Variants in DPP10 observed in about 807,000 individuals in gnomAD.
DPP10 encodes dipeptidyl peptidase like 10.
In DPP10, 33 loss-of-function variants were observed where a neutral mutation model predicts 120.9. The ratio of observed to expected loss-of-function variants is 0.27; its 90% confidence interval spans 0.21 to 0.37. The LOEUF is 0.37. Ranked by LOEUF, DPP10 falls within the 10% of genes least tolerant of loss-of-function variation. The pLI is 1.00. For missense variants in DPP10, 816 were observed against 942.8 expected, an observed-to-expected ratio of 0.87 and a Z score of 1.76; for synonymous variants, 337 against 326.1, an observed-to-expected ratio of 1.03 and a Z score of -0.36.
chr2:115,137,166 C>T (rs993383305), intron 1 of DPP10, among the ~76,000 whole-genome samples: 1 of 152,158 alleles, frequency 6.6e-6, no homozygotes, highest in Non-Finnish European at 1.5e-5. Flanking sequence ...GCATATCCAG[C>T]ATCACCTTTG....
intron 12 of DPP10, among the ~76,000 whole-genome samples, chr2:115,765,828 G>A (rs931779508): frequency 6.6e-6 from 1 of 152,082 alleles, no homozygotes; most frequent in African/African-American, 2.4e-5. Context: ...TATATGCTCA[G>A]TTATACAATT....
At chr2:115,140,892 G>T (rs181015886) in intron 1 of DPP10, among the ~76,000 whole-genome samples, 2 of 148,456 alleles carry the variant, frequency 1.3e-5, no homozygotes, top group African/African-American at 5.0e-5. Flanking sequence ...TTAGCTATTC[G>T]TGGACAGATC....
intron 1 of DPP10, among the ~76,000 whole-genome samples, chr2:114,491,731 G>T (rs1460651593): frequency 1.3e-5 from 2 of 152,160 alleles, no homozygotes; most frequent in African/African-American, 4.8e-5. Flanking sequence ...ATGAATACAT[G>T]TCAGGTAAGT....
At chr2:115,383,265 C>G (rs564672057) in intron 3 of DPP10, among the ~76,000 whole-genome samples, 5 of 152,236 alleles carry the variant, frequency 3.3e-5, no homozygotes, top group South Asian at 2.1e-4. Flanking sequence ...CGATGCTGTT[C>G]TCATGATAGT....
At chr2:115,835,684 A>C (rs986002501) in intron 21 of DPP10, among the ~76,000 whole-genome samples, 1 of 152,206 alleles carries the variant, frequency 6.6e-6, no homozygotes, top group Non-Finnish European at 1.5e-5. Flanking sequence ...TAAGAAATTA[A>C]AACAATCTAA....
chr2:115,441,438 C>T (rs2072037052), intron 3 of DPP10, among the ~76,000 whole-genome samples: 1 of 152,126 alleles, frequency 6.6e-6, no homozygotes, highest in Non-Finnish European at 1.5e-5. Flanking sequence ...TTTTATGTGA[C>T]CTAGAATCAT....
chr2:115,380,029 T>C (rs2066177300), intron 3 of DPP10, among the ~76,000 whole-genome samples: 1 of 152,250 alleles, frequency 6.6e-6, no homozygotes, highest in Admixed American at 6.5e-5. Context: ...ATATATTCTG[T>C]TCATTTGGGG....
chr2:115,615,165 T>G (rs951844052), intron 5 of DPP10, among the ~76,000 whole-genome samples: 2 of 152,060 alleles, frequency 1.3e-5, no homozygotes, highest in Non-Finnish European at 2.9e-5. Flanking sequence ...AAAAAAAGCT[T>G]GATTAGCTGA....
chr2:115,544,892 A>G (rs529515144), intron 5 of DPP10, among the ~76,000 whole-genome samples: 2 of 152,202 alleles, frequency 1.3e-5, no homozygotes, highest in Non-Finnish European at 2.9e-5. Context: ...TCTGTTTGTT[A>G]AATACAGAAA....
chr2:114,710,844 A>G (rs1360996228), intron 1 of DPP10, among the ~76,000 whole-genome samples: 1 of 152,248 alleles, frequency 6.6e-6, no homozygotes, highest in Non-Finnish European at 1.5e-5. Context: ...AGACAAGGGA[A>G]TAACATGGAT....
At chr2:115,281,537 C>G (rs999250469) in intron 1 of DPP10, among the ~76,000 whole-genome samples, 1 of 152,162 alleles carries the variant, frequency 6.6e-6, no homozygotes, top group South Asian at 2.1e-4. Context: ...ATCGCATGAG[C>G]TCACCAGAAT....
rs768155060 is a variant in DPP10, at chr2:115,836,764, C to G, written c.2182+18C>G. On this transcript the variant is annotated intron_variant, in intron 24 of 25. Coordinates refer to ENST00000410059, the MANE Select transcript of DPP10 (RefSeq NM_020868.6). ...TGCTGACAGTAAGTATTATACTTGC[C>G]GCTGCTGTTTGATAGGGTATGACCT... 1 of 1,606,144 alleles carries G rather than the reference C, an allele frequency of 6.2e-7. No homozygotes were observed. Among genetic ancestry groups the G allele is most frequent in the Non-Finnish European group, 8.5e-7 (1 of 1,176,698 alleles).
intron 1 of DPP10, among the ~76,000 whole-genome samples, chr2:114,630,344 G>T (rs969048959): frequency 6.6e-6 from 1 of 152,070 alleles, no homozygotes; most frequent in South Asian, 2.1e-4. Flanking sequence ...ATAGGCAGGG[G>T]TTTTTTATTC....
At chr2:115,679,140 T>C (rs911099191) in intron 5 of DPP10, among the ~76,000 whole-genome samples, 36 of 152,030 alleles carry the variant, frequency 2.4e-4, no homozygotes, top group Middle Eastern at 3.2e-3. Flanking sequence ...GTTAAGACTT[T>C]GGAGGATTGT....
chr2:115,611,707 C>A (rs1400396346), intron 5 of DPP10, among the ~76,000 whole-genome samples: 5 of 152,078 alleles, frequency 3.3e-5, no homozygotes, highest in Non-Finnish European at 7.4e-5. Context: ...GATGGGGGAG[C>A]AGTCCAGAAA....
chr2:115,694,481 A>T (rs1367715070), intron 7 of DPP10, among the ~76,000 whole-genome samples: 1 of 152,202 alleles, frequency 6.6e-6, no homozygotes, highest in Admixed American at 6.5e-5. Flanking sequence ...ACTAAGTGTG[A>T]GTAAAGGCAA....
At chr2:114,480,161 A>G (rs1009891416) in intron 1 of DPP10, among the ~76,000 whole-genome samples, 3 of 151,942 alleles carry the variant, frequency 2.0e-5, no homozygotes, top group African/African-American at 7.3e-5. Context: ...ATGAGATACC[A>G]TCTCACACCA....
At chr2:115,394,683 G>T (rs1412859821) in intron 3 of DPP10, among the ~76,000 whole-genome samples, 1 of 152,136 alleles carries the variant, frequency 6.6e-6, no homozygotes, top group Non-Finnish European at 1.5e-5. Context: ...ACTATTAAAG[G>T]ATAGGAGTCT....
At chr2:115,738,667 C>T (rs1676900705) in intron 8 of DPP10, among the ~76,000 whole-genome samples, 1 of 152,158 alleles carries the variant, frequency 6.6e-6, no homozygotes, top group Non-Finnish European at 1.5e-5. Context: ...CCGTCTCTTG[C>T]TATGGATTGT....
Sources: gnomAD v4.1 joint callset for allele counts (sites outside exome capture counted in the v4.1 genomes callset) on GRCh38, gnomAD v4.1.1 for gene constraint, MANE v1.5 for transcripts, NCBI Gene and HGNC (gene_info 2026-07-23, HGNC 2026-07-21) for gene names.